Variants in GABPB1 observed in about 807,000 individuals in gnomAD.
GABPB1 encodes GA-binding protein subunit beta-1.
In GABPB1, 15 loss-of-function variants were observed where a neutral mutation model predicts 45.9. The ratio of observed to expected loss-of-function variants is 0.33; its 90% confidence interval spans 0.22 to 0.50. The LOEUF is 0.50. Ranked by LOEUF, GABPB1 falls within the 20% of genes least tolerant of loss-of-function variation. The pLI is 0.98. For missense variants in GABPB1, 252 were observed against 457.5 expected (o/e 0.55, Z 4.10); for synonymous variants, 143 against 154.4 (o/e 0.93, Z 0.55).
intron 1 of GABPB1, among the ~76,000 whole-genome samples, chr15:50,324,602 T>TG (rs1385916438): frequency 3.5e-5 from 5 of 144,004 alleles, no homozygotes; most frequent in Admixed American, 1.5e-4. Context: ...TGGAGTGCAG[T>TG]GGGGCAATCT....
rs1366527618 is a variant in GABPB1, at chr15:50,337,083, A to G, written c.-1+17902T>C. ...TACATGTATATGTGTGTGTATATAT[A>G]TATATATATATATATATATATATAT... is the stretch of plus-strand genomic sequence containing the variant. On this transcript the variant is annotated intron_variant, in intron 1 of 8. Coordinates refer to ENST00000380877, the MANE Select transcript of GABPB1 (RefSeq NM_016654.5). Among the ~76,000 whole-genome samples the G allele has an allele frequency of 0.025, 56 of 2,282 alleles. No individual in the cohort carries two copies. The East Asian group carries it at 0.25, about 10-fold the overall frequency. 1.5% of individuals were successfully genotyped at this position (2,282 alleles called of 152,430 possible).
rs767323518 is a variant in GABPB1, at chr15:50,302,919, C to G, written c.471+10G>C. Reference sequence around the variant, plus strand: ...TTCTTTATTTTCTTAAATTAAAAGCCAAAAGTTACCTGTAATATCTCTGCT... The same window carrying G: ...TTCTTTATTTTCTTAAATTAAAAGCGAAAAGTTACCTGTAATATCTCTGCT... On this transcript the variant is annotated intron_variant, in intron 4 of 8. Coordinates refer to ENST00000380877, the MANE Select transcript of GABPB1 (RefSeq NM_016654.5). The G allele has an allele frequency of 6.3e-7, 1 of 1,585,310 alleles. No individual in the cohort carries two copies. Among genetic ancestry groups the G allele is most frequent in the Non-Finnish European group, 8.6e-7 (1 of 1,162,338 alleles).
chr15:50,339,642 T>C (rs1167150119), intron 1 of GABPB1, among the ~76,000 whole-genome samples: 1 of 152,176 alleles, frequency 6.6e-6, no homozygotes, highest in Non-Finnish European at 1.5e-5. Context: ...ATTATGACTA[T>C]AAAATTAGTC....
At chr15:50,308,473 G>A (rs1353465710) in intron 2 of GABPB1, among the ~76,000 whole-genome samples, 1 of 152,142 alleles carries the variant, frequency 6.6e-6, no homozygotes, top group Non-Finnish European at 1.5e-5. Flanking sequence ...CGGCAACAGG[G>A]GCAAGGGCAG....
intron 8 of GABPB1, among the ~76,000 whole-genome samples, chr15:50,280,621 C>CTGT (rs2045943030): frequency 6.6e-6 from 1 of 152,100 alleles, no homozygotes; most frequent in South Asian, 2.1e-4. Flanking sequence ...TGGTATGCGC[C>CTGT]TGTAGTCCCA....
At chr15:50,281,563 G>C (rs1481361386) in intron 8 of GABPB1, among the ~76,000 whole-genome samples, 1 of 152,174 alleles carries the variant, frequency 6.6e-6, no homozygotes, top group Non-Finnish European at 1.5e-5. Context: ...CTATTTGCTT[G>C]TGTGTAAACA....
intron 1 of GABPB1, chr15:50,351,935 T>G (rs1453368501): frequency 6.6e-6 from 1 of 152,200 alleles, no homozygotes; most frequent in East Asian, 1.9e-4. Flanking sequence ...GATTACTAGC[T>G]GGAAACCATA....
chr15:50,346,211 T>C lies in GABPB1; in HGVS notation c.-1+8774A>G, dbSNP rs188098903. Among the ~76,000 whole-genome samples the C allele has an allele frequency of 1.4e-3, 214 of 152,316 alleles. 3 individuals are homozygous for C. Among genetic ancestry groups the C allele is most frequent in the African/African-American group, 5.0e-3 (207 of 41,578 alleles). On this transcript the variant is annotated intron_variant, in intron 1 of 8. Transcript: ENST00000380877. ...GTACCCTGTTTTCCTTTTTCACTTA[T>C]ATAGAAGTAAATGGCATCTATTAAG...
intron 1 of GABPB1, among the ~76,000 whole-genome samples, chr15:50,344,033 G>A (rs910702413): frequency 6.6e-6 from 1 of 152,084 alleles, no homozygotes; most frequent in African/African-American, 2.4e-5. Context: ...CCAAGAAAAC[G>A]GGACTTTGTC....
intron 3 of GABPB1, 93 bp from the exon 4 acceptor site, chr15:50,303,216 A>AC (rs2046819352): frequency 1.0e-6 from 1 of 967,916 alleles, no homozygotes; most frequent in Admixed American, 2.4e-5. Flanking sequence ...TTAAAGCAAG[A>AC]ACAAATAATG....
chr15:50,317,791 C>G (rs967695741), intron 1 of GABPB1, among the ~76,000 whole-genome samples: 1 of 151,950 alleles, frequency 6.6e-6, no homozygotes, highest in Admixed American at 6.6e-5. Context: ...TGCCTGCAGT[C>G]CCAGCTACTC....
chr15:50,334,462 CATT>C (rs2048047378), intron 1 of GABPB1, among the ~76,000 whole-genome samples: 1 of 148,000 alleles, frequency 6.8e-6, no homozygotes, highest in African/African-American at 2.5e-5. Context: ...CAAATTGCAT[CATT>C]AAGTTTTTAA....
intron 1 of GABPB1, among the ~76,000 whole-genome samples, chr15:50,318,879 A>C (rs935688977): frequency 3.3e-5 from 5 of 151,614 alleles, no homozygotes; most frequent in African/African-American, 1.2e-4. Flanking sequence ...TTTTTCCTTT[A>C]CACACACACA....
chr15:50,338,638 T>A (rs2048231376), intron 1 of GABPB1, among the ~76,000 whole-genome samples: 2 of 151,940 alleles, frequency 1.3e-5, no homozygotes. Context: ...CATGCCCAAC[T>A]AATTTTTCTA....
At chr15:50,334,744 G>A (rs2048062447) in intron 1 of GABPB1, among the ~76,000 whole-genome samples, 1 of 151,690 alleles carries the variant, frequency 6.6e-6, no homozygotes, top group Admixed American at 6.6e-5. Context: ...TCCTGAGTCA[G>A]TTTTTATTCC....
At chr15:50,319,263 AT>A (rs138520775) in intron 1 of GABPB1, among the ~76,000 whole-genome samples, 6,526 of 152,120 alleles carry the variant, frequency 0.043, 446 homozygotes, top group African/African-American at 0.15. Flanking sequence ...TGCACATATA[AT>A]TTTTTCTTCC....
chr15:50,340,677 T>G (rs1271413401), intron 1 of GABPB1, among the ~76,000 whole-genome samples: 1 of 151,850 alleles, frequency 6.6e-6, no homozygotes, highest in Non-Finnish European at 1.5e-5. Flanking sequence ...TACAGCTGCA[T>G]AGTATGCTAT....
At chr15:50,321,606 G>T (rs1201151243) in intron 1 of GABPB1, among the ~76,000 whole-genome samples, 3 of 151,756 alleles carry the variant, frequency 2.0e-5, no homozygotes, top group Non-Finnish European at 4.4e-5. Flanking sequence ...GGAGGCTGAG[G>T]CAGGAGAATC....
At chr15:50,317,208 C>T (rs1567518165) in intron 1 of GABPB1, among the ~76,000 whole-genome samples, 2 of 151,288 alleles carry the variant, frequency 1.3e-5, no homozygotes, top group Non-Finnish European at 2.9e-5. Flanking sequence ...CCAGCCTCGC[C>T]AACACAGTGA....
Sources: gnomAD v4.1 joint callset for allele counts (sites outside exome capture counted in the v4.1 genomes callset) on GRCh38, gnomAD v4.1.1 for gene constraint, MANE v1.5 for transcripts, NCBI Gene and HGNC (gene_info 2026-07-23, HGNC 2026-07-21) for gene names.